MLLT10: variants seen among roughly 807,000 people sequenced by gnomAD.
MLLT10 encodes the protein MLLT10 histone lysine methyltransferase DOT1L cofactor.
In MLLT10, 30 loss-of-function variants were observed where a neutral mutation model predicts 129.1. That is an observed-to-expected ratio of 0.23 (90% CI 0.17 to 0.32). The LOEUF is 0.32. MLLT10 is among the 10% of genes least tolerant of loss of function. The probability of loss-of-function intolerance (pLI) is 1.00; values close to 1 mark genes in which losing one functional copy is unlikely to be tolerated. For missense variants in MLLT10, 1,119 were observed against 1,268.3 expected, an observed-to-expected ratio of 0.88 and a Z score of 1.79; for synonymous variants, 490 against 446.4, an observed-to-expected ratio of 1.10 and a Z score of -1.23.
intron 8 of MLLT10, chr10:21,625,124 A>C: frequency 1.0e-6 from 1 of 998,288 alleles, no homozygotes; most frequent in Non-Finnish European, 1.6e-6. Context: ...CTCTCCCCCA[A>C]CCTCTAATCG....
intron 14 of MLLT10, among the ~76,000 whole-genome samples, chr10:21,725,746 A>T: frequency 7.0e-6 from 1 of 143,314 alleles, no homozygotes; most frequent in East Asian, 2.1e-4. Flanking sequence ...AATTGTAGTT[A>T]CGTAACTTTT....
chr10:21,709,649 A>G (rs2055881742), intron 13 of MLLT10, among the ~76,000 whole-genome samples: 1 of 152,224 alleles, frequency 6.6e-6, no homozygotes, highest in African/African-American at 2.4e-5. Context: ...TCTGCTATGT[A>G]TTATTTGGAA....
At chr10:21,647,367 A>G (rs2131310851) in intron 8 of MLLT10, among the ~76,000 whole-genome samples, 1 of 152,272 alleles carries the variant, frequency 6.6e-6, no homozygotes, top group South Asian at 2.1e-4. Context: ...TTGTTTTAAA[A>G]ATTGTCAGCT....
chr10:21,671,939 C>T (rs1276863471), intron 10 of MLLT10, among the ~76,000 whole-genome samples: 1 of 152,026 alleles, frequency 6.6e-6, no homozygotes, highest in Non-Finnish European at 1.5e-5. Context: ...GGCGACAGAA[C>T]AAGACCCTGC....
At chr10:21,628,554 G>A (rs1021496536) in intron 8 of MLLT10, among the ~76,000 whole-genome samples, 37 of 146,674 alleles carry the variant, frequency 2.5e-4, no homozygotes, top group Admixed American at 2.2e-3. Context: ...CAGTTCTCCC[G>A]CCTCAGCCTC....
intron 13 of MLLT10, chr10:21,708,835 G>T: frequency 1.4e-6 from 1 of 705,134 alleles, no homozygotes; most frequent in Non-Finnish European, 1.7e-6. Context: ...TTACAACAGT[G>T]TACTTTCCTG....
chr10:21,607,148 A>G (rs1278365988), intron 5 of MLLT10, among the ~76,000 whole-genome samples: 2 of 152,174 alleles, frequency 1.3e-5, no homozygotes. Flanking sequence ...GAAGCCATCA[A>G]CACTGAGGCA....
At position 21,682,205 on chromosome 10, in the gene MLLT10, CT is replaced by C; in HGVS notation, c.1667-14del. 1.2e-6 allele frequency: 2 copies of C among 1,604,422 alleles called. No individual in the cohort carries two copies. Among genetic ancestry groups the C allele is most frequent in the Non-Finnish European group, 8.5e-7 (1 of 1,175,750 alleles). On this transcript the variant is annotated intron_variant, in intron 12 of 22. Coordinates refer to ENST00000307729, the MANE Select transcript of MLLT10 (RefSeq NM_001195626.3). The stretch of plus-strand genomic sequence containing the variant: ...TTGAGAATGATCTTAACCTGAAGTC[CT>C]TTTTTCCTTACTTAAAAGCGTTCTC...
chr10:21,572,862 C>T (rs781511671), intron 3 of MLLT10, among the ~76,000 whole-genome samples: 10 of 152,082 alleles, frequency 6.6e-5, no homozygotes, highest in South Asian at 2.1e-4. Flanking sequence ...CTGCCTGTTT[C>T]GGCCTTCCAA....
intron 13 of MLLT10, among the ~76,000 whole-genome samples, chr10:21,713,171 T>C (rs1176610107): frequency 1.3e-5 from 2 of 152,156 alleles, no homozygotes; most frequent in African/African-American, 4.8e-5. Context: ...AGCTGCCCCA[T>C]ACAGTCAGTC....
intron 3 of MLLT10, among the ~76,000 whole-genome samples, chr10:21,552,967 G>GC (rs2037334836): frequency 6.6e-6 from 1 of 151,468 alleles, no homozygotes; most frequent in Non-Finnish European, 1.5e-5. Flanking sequence ...CCATCTGCTT[G>GC]CTCCCATCTG....
intron 13 of MLLT10, among the ~76,000 whole-genome samples, chr10:21,689,569 A>G (rs1226248213): frequency 2.5e-3 from 206 of 83,180 alleles, no homozygotes; most frequent in East Asian, 5.5e-3. Context: ...ATATATGTAT[A>G]TATATATATA....
intron 3 of MLLT10, among the ~76,000 whole-genome samples, chr10:21,584,996 C>T (rs1390787885): frequency 5.9e-5 from 9 of 151,852 alleles, no homozygotes; most frequent in Non-Finnish European, 1.3e-4. Context: ...TGGCTCACTG[C>T]AGCCTTGACC....
At chr10:21,546,158 A>G (rs1232547841) in intron 3 of MLLT10, among the ~76,000 whole-genome samples, 10 of 150,946 alleles carry the variant, frequency 6.6e-5, no homozygotes, top group Admixed American at 1.3e-4. Context: ...GCTCACTGCA[A>G]CCTCTGCCTC....
chr10:21,554,455 AT>A (rs1169101928), intron 3 of MLLT10, among the ~76,000 whole-genome samples: 1,925 of 139,704 alleles, frequency 0.014, 13 homozygotes, highest in Non-Finnish European at 0.015. Flanking sequence ...CTTCACTTAA[AT>A]TTTTTTTTTT....
intron 7 of MLLT10, among the ~76,000 whole-genome samples, chr10:21,615,706 G>C (rs2045184868): frequency 6.6e-6 from 1 of 151,772 alleles, no homozygotes; most frequent in Non-Finnish European, 1.5e-5. Context: ...CTGAAGTAAG[G>C]CTGTTTTGTA....
chr10:21,619,071 T>TACACACACACAC, intron 8 of MLLT10, among the ~76,000 whole-genome samples: 1 of 123,696 alleles, frequency 8.1e-6, no homozygotes, highest in Non-Finnish European at 1.8e-5. Context: ...CACACACACT[T>TACACACACACAC]TTTTTAGATC....
At chr10:21,535,237 T>C (rs369099694) in intron 2 of MLLT10, among the ~76,000 whole-genome samples, 14 of 152,218 alleles carry the variant, frequency 9.2e-5, no homozygotes, top group South Asian at 4.1e-4. Flanking sequence ...GCCGCCTGTC[T>C]GCCGCAGTGT....
At chr10:21,626,874 G>A (rs932010822) in intron 8 of MLLT10, among the ~76,000 whole-genome samples, 1 of 152,170 alleles carries the variant, frequency 6.6e-6, no homozygotes, top group Non-Finnish European at 1.5e-5. Context: ...AGAGAGGACA[G>A]GTCTTTTCAG....
Sources: allele counts gnomAD v4.1 joint callset (sites outside exome capture counted in the v4.1 genomes callset), GRCh38; gene constraint gnomAD v4.1.1; transcripts MANE v1.5; gene names NCBI Gene and HGNC (gene_info 2026-07-23, HGNC 2026-07-21).